Variants in DGKH observed in about 807,000 individuals in gnomAD.
The protein encoded by DGKH is DAG kinase eta.
DGKH carries 90 observed loss-of-function variants against 159.3 expected under a neutral mutation model. The observed-to-expected ratio is 0.57, with a 90% CI of 0.48 to 0.67. The LOEUF is 0.67. Ranked by LOEUF, DGKH falls within the 30% of genes least tolerant of loss-of-function variation. DGKH has a pLI of 0.00. For synonymous variants in DGKH, 536 were observed against 553.8 expected, an observed-to-expected ratio of 0.97 and a Z score of 0.45; for missense variants, 1,181 against 1,506.1, an observed-to-expected ratio of 0.78 and a Z score of 3.57.
chr13:42,175,467 T>A lies in DGKH; in HGVS notation c.1452+1323T>A, dbSNP rs1956576076. Among the ~76,000 whole-genome samples, 5 of 152,174 alleles carry A rather than the reference T, an allele frequency of 3.3e-5. No homozygotes were observed. The South Asian group carries it at 1.0e-3, about 32-fold the overall frequency. On this transcript the variant is annotated intron_variant, in intron 12 of 29. Transcript: ENST00000337343. ...TTTTATGGAAATCAGTCCTTTATCT[T>A]AACAGTATTTTTGTAAATGTTATTA...
chr13:42,166,753 A>G, intron 9 of DGKH, 79 bp downstream of exon 9: 1 of 1,265,202 alleles, frequency 7.9e-7, no homozygotes, highest in Non-Finnish European at 1.0e-6. Flanking sequence ...CAGCTCATGA[A>G]AATTACAGAT....
intron 20 of DGKH, among the ~76,000 whole-genome samples, chr13:42,205,631 G>A (rs1486802680): frequency 6.6e-6 from 1 of 152,132 alleles, no homozygotes; most frequent in Non-Finnish European, 1.5e-5. Context: ...CAATGTACCA[G>A]GGACTGTGAG....
chr13:42,048,618 C>T, upstream of DGKH: 1 of 997,124 alleles, frequency 1.0e-6, no homozygotes, highest in Non-Finnish European at 1.3e-6. This position sits in a 1 kb window ranked among gnomAD's most constrained non-coding sequence, Gnocchi z 6.7. Flanking sequence ...GCGCCTGCCC[C>T]GGGCGACCCT....
chr13:42,223,769 A>AAT (rs76816455), intron 29 of DGKH, among the ~76,000 whole-genome samples: 44,739 of 150,928 alleles, frequency 0.3, 6,641 homozygotes, highest in Admixed American at 0.34. Flanking sequence ...TCCAAAAATG[A>AAT]ATATATATAT....
At chr13:42,094,606 G>A (rs760742320) in intron 1 of DGKH, among the ~76,000 whole-genome samples, 13 of 152,068 alleles carry the variant, frequency 8.5e-5, no homozygotes, top group East Asian at 1.9e-4. Context: ...TGAATTGAGC[G>A]TCCTCAGTTG....
Position 42,168,678 on chromosome 13 carries a change from G to A in DGKH, c.1228-1G>A, listed in dbSNP as rs1956368057. 6.2e-7 allele frequency: 1 copy of A among 1,614,138 alleles called. No individual in the cohort carries two copies. Among genetic ancestry groups the A allele is most frequent in the Non-Finnish European group, 8.5e-7 (1 of 1,180,016 alleles). On this transcript the variant is annotated splice_acceptor_variant, in intron 10 of 29. Transcript: ENST00000337343. LOFTEE classifies it high-confidence loss of function. ...AGTCACCCTGTTGCACTGTCTTTCAGTGTCAGCTGGGAGTGTTGCCTTTGG... is the reference window on the plus strand; with the variant it reads ...AGTCACCCTGTTGCACTGTCTTTCAATGTCAGCTGGGAGTGTTGCCTTTGG...
At chr13:42,146,933 C>T (rs1167424529) in intron 3 of DGKH, among the ~76,000 whole-genome samples, 3 of 152,152 alleles carry the variant, frequency 2.0e-5, no homozygotes, top group Non-Finnish European at 4.4e-5. Context: ...ACATGGGACC[C>T]ACCTTCTGGA....
chr13:42,109,264 C>G (rs180940054), intron 1 of DGKH, among the ~76,000 whole-genome samples: 71 of 152,330 alleles, frequency 4.7e-4, no homozygotes, highest in African/African-American at 1.6e-3. Flanking sequence ...CATTGACTCA[C>G]TGAGTCCTCA....
chr13:42,218,826 C>T (rs553646047), intron 26 of DGKH, among the ~76,000 whole-genome samples: 1 of 151,964 alleles, frequency 6.6e-6, no homozygotes, highest in African/African-American at 2.4e-5. Context: ...CTATTTAAAT[C>T]AGAAGGATTT....
intron 11 of DGKH, among the ~76,000 whole-genome samples, chr13:42,172,755 C>T (rs1413417123): frequency 3.3e-5 from 5 of 152,044 alleles, no homozygotes; most frequent in African/African-American, 4.8e-5. Context: ...CTCACTGCAA[C>T]CTCTGCCTCG....
At chr13:42,161,309 G>C (rs1420988485) in intron 7 of DGKH, among the ~76,000 whole-genome samples, 3 of 152,084 alleles carry the variant, frequency 2.0e-5, no homozygotes, top group African/African-American at 7.2e-5. Context: ...TACTAAAGTC[G>C]ATTTCTCTAC....
chr13:42,210,858 A>G, intron 24 of DGKH, 93 bp downstream of exon 24: 13 of 1,158,692 alleles, frequency 1.1e-5, no homozygotes, highest in East Asian at 2.5e-5. Context: ...CAGTAGTGGT[A>G]TCAAAAAGAG....
downstream of DGKH, among the ~76,000 whole-genome samples, chr13:42,246,424 TA>T (rs902478225): frequency 6.6e-6 from 1 of 151,734 alleles, no homozygotes; most frequent in African/African-American, 2.4e-5. Context: ...TCATCTCTAT[TA>T]AAAAAAAGAG....
At position 42,166,710 on chromosome 13, in the gene DGKH, T is replaced by C. The variant is rs374016787; in HGVS notation, c.1118+36T>C. 10 of 1,512,926 alleles carry C rather than the reference T, an allele frequency of 6.6e-6. No homozygotes were observed. In the African/African-American group the frequency reaches 9.8e-5, roughly 15 times the overall value. 93.7% of individuals were successfully genotyped at this position (1,512,926 alleles called of 1,614,324 possible). A position where few individuals can be genotyped will look rare whatever the true frequency, so the allele number is the denominator to read the frequency against. ...ATTGATAAATCTTATTTGAATACAATGTAGGACTAGGTGTTAAATGTGTTT... is the reference window on the plus strand; with the variant it reads ...ATTGATAAATCTTATTTGAATACAACGTAGGACTAGGTGTTAAATGTGTTT... On this transcript the variant is annotated intron_variant, in intron 9 of 29. Coordinates refer to ENST00000337343, the MANE Select transcript of DGKH (RefSeq NM_178009.5).
At chr13:42,144,713 G>A (rs1014714442) in intron 3 of DGKH, among the ~76,000 whole-genome samples, 2 of 151,704 alleles carry the variant, frequency 1.3e-5, no homozygotes, top group Admixed American at 1.3e-4. Flanking sequence ...AGAAAAGAAA[G>A]GGGTTCCATG....
intron 1 of DGKH, among the ~76,000 whole-genome samples, chr13:42,118,074 G>T (rs371026985): frequency 6.6e-6 from 1 of 152,080 alleles, no homozygotes; most frequent in African/African-American, 2.4e-5. Context: ...AAAATTAGCC[G>T]GGCGTGTTGG....
At chr13:42,176,895 A>G (rs534537266) in intron 12 of DGKH, among the ~76,000 whole-genome samples, 3 of 152,246 alleles carry the variant, frequency 2.0e-5, no homozygotes, top group African/African-American at 7.2e-5. Flanking sequence ...ACATTTTTAC[A>G]TATTAGGAAA....
intron 1 of DGKH, among the ~76,000 whole-genome samples, chr13:42,097,258 A>G (rs1256270993): frequency 6.6e-6 from 1 of 152,048 alleles, no homozygotes; most frequent in Admixed American, 6.6e-5. Context: ...TGGAATCACT[A>G]TTATTTAGAT....
intron 13 of DGKH, among the ~76,000 whole-genome samples, chr13:42,183,476 A>G (rs1188392872): frequency 6.6e-6 from 1 of 152,196 alleles, no homozygotes; most frequent in Non-Finnish European, 1.5e-5. Context: ...TAGATAAAGA[A>G]TTCCCTTTTT....
Sources: allele counts gnomAD v4.1 joint callset (sites outside exome capture counted in the v4.1 genomes callset), GRCh38; gene constraint gnomAD v4.1.1; non-coding constraint Gnocchi (gnomAD v3.1); transcripts MANE v1.5; gene names NCBI Gene and HGNC (gene_info 2026-07-23, HGNC 2026-07-21).